The following COG6 variants were observed in gnomAD, a reference collection of about 807,000 sequenced individuals.
COG6 encodes conserved oligomeric Golgi complex subunit 6.
A neutral mutation model predicts 88.8 loss-of-function variants in COG6; 74 were observed. The ratio of observed to expected loss-of-function variants is 0.83; its 90% confidence interval spans 0.69 to 1.01. The LOEUF is 1.01. Ranked by LOEUF, COG6 falls within the 50% of genes least tolerant of loss-of-function variation. The pLI is 0.00. For synonymous variants in COG6, 286 were observed against 278.7 expected (o/e 1.03, Z -0.26); for missense variants, 800 against 797.9 (o/e 1.00, Z -0.03).
Position 39,752,132 on chromosome 13 carries a change from T to A in COG6, c.*1039T>A. On this transcript the variant is annotated 3_prime_UTR_variant, in exon 19 of 19. Coordinates refer to ENST00000455146, the MANE Select transcript of COG6 (RefSeq NM_020751.3). Reference sequence around the variant, plus strand: ...GGAATAAATCCCAGTGTGCCTGATTTGACATTCTTGTCAGCAAAAAAAAAC... The same window carrying A: ...GGAATAAATCCCAGTGTGCCTGATTAGACATTCTTGTCAGCAAAAAAAAAC... The A allele has an allele frequency of 8.1e-7, 1 of 1,239,108 alleles. No individual in the cohort carries two copies. Among genetic ancestry groups the A allele is most frequent in the South Asian group, 1.4e-5 (1 of 74,052 alleles). 76.8% of individuals were successfully genotyped at this position (1,239,108 alleles called of 1,614,324 possible). A position where few individuals can be genotyped will look rare whatever the true frequency, so the allele number is the denominator to read the frequency against.
chr13:39,731,328 A>G lies in COG6; in HGVS notation c.1826+3780A>G, dbSNP rs552313126. Among the ~76,000 whole-genome samples, 3 of 152,312 alleles carry G rather than the reference A, an allele frequency of 2.0e-5. No homozygotes were observed. The South Asian group carries it at 6.2e-4, about 32-fold the overall frequency. On this transcript the variant is annotated intron_variant, in intron 18 of 18. Coordinates refer to ENST00000455146, the MANE Select transcript of COG6 (RefSeq NM_020751.3). ...AGCCTTGGAATAAGCTATTGAATAC[A>G]TTTAAGTAGCTAGGAAACAAGGTGG... is the stretch of plus-strand genomic sequence containing the variant.
intron 3 of COG6, among the ~76,000 whole-genome samples, chr13:39,664,688 T>A (rs1413123691): frequency 6.6e-6 from 1 of 152,184 alleles, no homozygotes; most frequent in East Asian, 1.9e-4. Context: ...ACATTTCTAT[T>A]GAGCTCCACA....
chr13:39,721,724 T>C (rs908705469), intron 15 of COG6, among the ~76,000 whole-genome samples: 1 of 151,994 alleles, frequency 6.6e-6, no homozygotes, highest in Non-Finnish European at 1.5e-5. Flanking sequence ...GGTAAAGGAG[T>C]CTTGATTTTA....
intron 16 of COG6, 113 bp from the exon 17 acceptor site, chr13:39,724,395 T>C: frequency 1.3e-6 from 1 of 763,954 alleles, no homozygotes; most frequent in Non-Finnish European, 2.2e-6. Context: ...ATAAGCTAAA[T>C]GATTTTCCAA....
chr13:39,734,408 C>G (rs1879623642), intron 18 of COG6, among the ~76,000 whole-genome samples: 1 of 152,000 alleles, frequency 6.6e-6, no homozygotes, highest in African/African-American at 2.4e-5. Flanking sequence ...TGTATACTTT[C>G]CAAAATTATT....
intron 13 of COG6, among the ~76,000 whole-genome samples, chr13:39,708,959 G>T (rs1878090420): frequency 6.6e-6 from 1 of 152,062 alleles, no homozygotes; most frequent in African/African-American, 2.4e-5. Context: ...AGTTTGTTGG[G>T]GATACTTATC....
chr13:39,679,963 A>ATT lies in COG6; in HGVS notation c.624-4_624-3dup, dbSNP rs397756552. 2.2e-4 allele frequency: 311 copies of ATT among 1,391,998 alleles called. No homozygotes were observed. Among genetic ancestry groups the ATT allele is most frequent in the African/African-American group, 2.9e-4 (20 of 69,482 alleles). The allele number at this position is 1,391,998 out of a possible 1,614,324, so 86.2% of individuals were successfully genotyped here. A position where few individuals can be genotyped will look rare whatever the true frequency, so the allele number is the denominator to read the frequency against. ...ACTAAAGTTTAAATTATAATCATTAATTTTTTTTTAGTTTAGAAATTATGG... is the reference window on the plus strand; with the variant it reads ...ACTAAAGTTTAAATTATAATCATTAATTTTTTTTTTTAGTTTAGAAATTATGG... On this transcript the variant is annotated splice_polypyrimidine_tract_variant and intron_variant, in intron 6 of 18. Coordinates refer to ENST00000455146, the MANE Select transcript of COG6 (RefSeq NM_020751.3).
At chr13:39,758,948 A>T (rs1880930012) in intron 18 of COG6, among the ~76,000 whole-genome samples, 1 of 152,218 alleles carries the variant, frequency 6.6e-6, no homozygotes, top group African/African-American at 2.4e-5. Context: ...TGAAAACATT[A>T]TTCTAATTAG....
At chr13:39,710,284 T>C (rs1878166598) in intron 13 of COG6, among the ~76,000 whole-genome samples, 1 of 152,198 alleles carries the variant, frequency 6.6e-6, no homozygotes, top group South Asian at 2.1e-4. Flanking sequence ...AATTTTATTT[T>C]ACACATATGT....
intron 2 of COG6, 138 bp downstream of exon 2, chr13:39,659,645 C>G: frequency 1.5e-6 from 1 of 664,534 alleles, no homozygotes; most frequent in Non-Finnish European, 2.6e-6. Context: ...GCTAATTTCT[C>G]TTGCTGCATC....
At chr13:39,764,444 C>A (rs1427832767) in intron 18 of COG6, among the ~76,000 whole-genome samples, 1 of 151,056 alleles carries the variant, frequency 6.6e-6, no homozygotes, top group African/African-American at 2.4e-5. Context: ...GAAATGGAAG[C>A]TTATATTATT....
intron 1 of COG6, among the ~76,000 whole-genome samples, chr13:39,658,168 A>G (rs1159951156): frequency 3.9e-4 from 58 of 149,892 alleles, no homozygotes; most frequent in Non-Finnish European, 7.1e-4. Flanking sequence ...TTTGAGACCA[A>G]GTCTCACTCT....
intron 18 of COG6, among the ~76,000 whole-genome samples, chr13:39,776,612 A>G (rs1881471159): frequency 6.6e-6 from 1 of 152,262 alleles, no homozygotes; most frequent in African/African-American, 2.4e-5. Flanking sequence ...CAGCCCTGTT[A>G]TAAATATTTT....
chr13:39,719,876 C>T (rs556703042), intron 15 of COG6, 49 bp downstream of exon 15: 7 of 1,421,252 alleles, frequency 4.9e-6, no homozygotes, highest in Non-Finnish European at 6.9e-6. Context: ...ATCTTTTTCT[C>T]TATGTGATAG....
intron 18 of COG6, among the ~76,000 whole-genome samples, chr13:39,782,827 C>T (rs1229193632): frequency 2.0e-5 from 3 of 152,146 alleles, no homozygotes; most frequent in South Asian, 2.1e-4. Context: ...CATAAGATGC[C>T]TTCTTCCCAT....
chr13:39,718,980 A>T (rs1180269142), intron 13 of COG6, among the ~76,000 whole-genome samples: 1 of 152,168 alleles, frequency 6.6e-6, no homozygotes, highest in Admixed American at 6.6e-5. Context: ...ATTCAATTGA[A>T]CACTAACTTT....
intron 3 of COG6, among the ~76,000 whole-genome samples, chr13:39,662,585 G>A (rs1429976421): frequency 6.6e-6 from 1 of 152,056 alleles, no homozygotes; most frequent in East Asian, 1.9e-4. Flanking sequence ...TGATAGGCTT[G>A]GCATTTTTAT....
At chr13:39,723,604 A>G (rs1878971236) in intron 16 of COG6, among the ~76,000 whole-genome samples, 164 bp downstream of exon 16, 1 of 152,078 alleles carries the variant, frequency 6.6e-6, no homozygotes, top group Non-Finnish European at 1.5e-5. Context: ...GATTGGGGGT[A>G]ATAATAGTAT....
downstream of COG6, among the ~76,000 whole-genome samples, chr13:39,754,189 A>C (rs1209780011): frequency 1.3e-5 from 2 of 152,072 alleles, no homozygotes; most frequent in Non-Finnish European, 2.9e-5. Context: ...AAAAGTTGGC[A>C]TACTCTAGGG....
Sources: allele counts gnomAD v4.1 joint callset (sites outside exome capture counted in the v4.1 genomes callset), GRCh38; gene constraint gnomAD v4.1.1; transcripts MANE v1.5; gene names NCBI Gene and HGNC (gene_info 2026-07-23, HGNC 2026-07-21).